DCC: variants seen among roughly 807,000 people sequenced by gnomAD.
DCC encodes the protein netrin receptor DCC.
DCC carries 58 observed loss-of-function variants against 172.5 expected under a neutral mutation model. That is an observed-to-expected ratio of 0.34 (90% CI 0.27 to 0.42). The LOEUF (loss-of-function observed/expected upper bound fraction) is 0.42. Among genes scored for constraint, DCC ranks in the 10% least tolerant of loss-of-function variants. The pLI is 1.00. For synonymous variants in DCC, 709 were observed against 644.5 expected (o/e 1.10, Z -1.52); for missense variants, 1,740 against 1,791.0 (o/e 0.97, Z 0.51).
chr18:52,774,809 A>T (rs1047583927), intron 2 of DCC, among the ~76,000 whole-genome samples: 30 of 152,294 alleles, frequency 2.0e-4, no homozygotes, highest in African/African-American at 7.0e-4. Context: ...TGTCGAGGTG[A>T]AGGCATATAT....
chr18:53,488,614 T>G (rs1018209810), intron 26 of DCC, among the ~76,000 whole-genome samples: 1 of 152,190 alleles, frequency 6.6e-6, no homozygotes, highest in Non-Finnish European at 1.5e-5. Context: ...TGGTGCAGCA[T>G]GTGAAACTCT....
At chr18:52,799,588 A>G (rs767793952) in intron 2 of DCC, among the ~76,000 whole-genome samples, 1 of 152,214 alleles carries the variant, frequency 6.6e-6, no homozygotes, top group African/African-American at 2.4e-5. Context: ...AATTGTACCC[A>G]AATACCTAAA....
At chr18:52,925,447 G>C (rs1343746235) in intron 5 of DCC, 77 bp downstream of exon 5, 4 of 1,437,758 alleles carry the variant, frequency 2.8e-6, no homozygotes, top group Non-Finnish European at 3.9e-6. Flanking sequence ...GCTCATCACT[G>C]AATTGATTCC....
intron 5 of DCC, among the ~76,000 whole-genome samples, chr18:52,966,314 C>A (rs956415895): frequency 6.6e-6 from 1 of 152,120 alleles, no homozygotes; most frequent in African/African-American, 2.4e-5. Context: ...TTTATTTATG[C>A]TTTATAATAT....
intron 1 of DCC, among the ~76,000 whole-genome samples, chr18:52,343,238 A>G (rs1235518185): frequency 6.6e-6 from 1 of 152,222 alleles, no homozygotes; most frequent in Non-Finnish European, 1.5e-5. Flanking sequence ...GTTTAGGAAC[A>G]TGGCAGGAAA....
At chr18:52,670,049 G>A (rs970877299) in intron 1 of DCC, among the ~76,000 whole-genome samples, 1 of 152,146 alleles carries the variant, frequency 6.6e-6, no homozygotes, top group African/African-American at 2.4e-5. Flanking sequence ...CCAACACTAA[G>A]GCTCTGAGGG....
intron 1 of DCC, among the ~76,000 whole-genome samples, chr18:52,426,705 C>T (rs1286462819): frequency 6.6e-6 from 1 of 151,974 alleles, no homozygotes; most frequent in Non-Finnish European, 1.5e-5. Flanking sequence ...ACCTTGTTGC[C>T]AGCATGTAAA....
At chr18:52,344,885 C>A (rs1438101375) in intron 1 of DCC, among the ~76,000 whole-genome samples, 1 of 152,214 alleles carries the variant, frequency 6.6e-6, no homozygotes, top group Non-Finnish European at 1.5e-5. Flanking sequence ...CATCCACACA[C>A]AAACAAGGAG....
chr18:52,797,482 G>T (rs1598812395), intron 2 of DCC, among the ~76,000 whole-genome samples: 3 of 152,300 alleles, frequency 2.0e-5, no homozygotes, highest in Non-Finnish European at 4.4e-5. Flanking sequence ...GATGGGTATA[G>T]CAGTGTAGTC....
At chr18:53,118,178 C>A (rs2043434101) in intron 7 of DCC, among the ~76,000 whole-genome samples, 1 of 151,694 alleles carries the variant, frequency 6.6e-6, no homozygotes, top group South Asian at 2.1e-4. Context: ...CAAAGAAGGC[C>A]CCCAATAATA....
intron 10 of DCC, 21 bp downstream of exon 10, chr18:53,205,385 C>T (rs749007473): frequency 6.8e-6 from 11 of 1,611,626 alleles, no homozygotes; most frequent in Non-Finnish European, 8.5e-6. Context: ...GAATGGACCA[C>T]ACTGCTTCCA....
chr18:52,989,505 A>T (rs1025637787), intron 5 of DCC, among the ~76,000 whole-genome samples: 2 of 152,200 alleles, frequency 1.3e-5, no homozygotes, highest in Non-Finnish European at 1.5e-5. Flanking sequence ...CCTGGGCGAC[A>T]AGAGGGAGAC....
intron 7 of DCC, among the ~76,000 whole-genome samples, chr18:53,075,781 G>C (rs916875925): frequency 2.6e-5 from 4 of 152,190 alleles, no homozygotes; most frequent in Middle Eastern, 3.4e-3. Context: ...TATTCCTTTT[G>C]ATTAGAGAAG....
chr18:53,047,336 A>G (rs2042261689), intron 5 of DCC, among the ~76,000 whole-genome samples: 1 of 105,262 alleles, frequency 9.5e-6, no homozygotes, highest in Non-Finnish European at 1.9e-5. Flanking sequence ...TTTTATATAT[A>G]TAATAATATG....
chr18:52,796,326 G>T (rs1012499525), intron 2 of DCC, among the ~76,000 whole-genome samples: 2 of 151,754 alleles, frequency 1.3e-5, no homozygotes, highest in Middle Eastern at 3.4e-3. Context: ...TTTTCTTATG[G>T]TTTATCATCA....
At chr18:53,454,160 C>A (rs1435420678) in intron 23 of DCC, among the ~76,000 whole-genome samples, 3 of 152,132 alleles carry the variant, frequency 2.0e-5, no homozygotes, top group Non-Finnish European at 2.9e-5. Context: ...CCAGCCTGGG[C>A]CACATAGTGA....
At chr18:52,427,234 A>G (rs1249963873) in intron 1 of DCC, among the ~76,000 whole-genome samples, 1 of 152,120 alleles carries the variant, frequency 6.6e-6, no homozygotes, top group Non-Finnish European at 1.5e-5. Flanking sequence ...CCAAAGTCAC[A>G]TAGCTACCTA....
chr18:53,425,402 C>G (rs527570746), intron 21 of DCC, among the ~76,000 whole-genome samples: 1 of 143,272 alleles, frequency 7.0e-6, no homozygotes, highest in Non-Finnish European at 1.5e-5. Context: ...CTCTCTCACC[C>G]GGGCTGGAGT....
chr18:52,760,247 G>T (rs2037137806), intron 2 of DCC, among the ~76,000 whole-genome samples: 1 of 152,152 alleles, frequency 6.6e-6, no homozygotes. Context: ...AGAGTGAAGT[G>T]GGGGAAAGCC....
Sources: allele counts gnomAD v4.1 joint callset (sites outside exome capture counted in the v4.1 genomes callset), GRCh38; gene constraint gnomAD v4.1.1; transcripts MANE v1.5; gene names NCBI Gene and HGNC (gene_info 2026-07-23, HGNC 2026-07-21).